Variants in FBXL17 observed in about 807,000 individuals in gnomAD.
FBXL17 encodes F-box/LRR-repeat protein 17.
FBXL17 carries 22 observed loss-of-function variants against 66.2 expected under a neutral mutation model. The ratio of observed to expected loss-of-function variants is 0.33; its 90% CI spans 0.24 to 0.47. The LOEUF is 0.47. FBXL17 is among the 20% of genes least tolerant of loss of function. The pLI is 1.00. For synonymous variants in FBXL17, 474 were observed against 400.5 expected (o/e 1.18, Z -2.19); for missense variants, 878 against 948.2 (o/e 0.93, Z 0.97).
intron 7 of FBXL17, among the ~76,000 whole-genome samples, chr5:107,963,030 G>GA (rs1751980021): frequency 6.6e-6 from 1 of 151,868 alleles, no homozygotes; most frequent in African/African-American, 2.4e-5. Flanking sequence ...CCCAGTGAAG[G>GA]AAAAAAACAC....
chr5:108,186,397 G>A (rs1753233678), intron 5 of FBXL17, 150 bp from the exon 6 acceptor site: 1 of 606,228 alleles, frequency 1.6e-6, no homozygotes, highest in Non-Finnish European at 2.8e-6. Context: ...TATTGTATAT[G>A]TAATATTTTA....
At position 107,859,752 on chromosome 5, in the gene FBXL17, A is replaced by C. The variant is rs370848670; in HGVS notation, c.*1968T>G. 3 of 152,082 alleles carry C rather than the reference A, an allele frequency of 2.0e-5. No homozygotes were observed. The highest frequency in any genetic ancestry group is 4.4e-5 in the Non-Finnish European group (3 of 68,004). The allele number at this position is 152,082 out of a possible 1,614,324, so 9.4% of individuals were successfully genotyped here. On this transcript the variant is annotated 3_prime_UTR_variant, in exon 9 of 9. Transcript: ENST00000542267. The stretch of plus-strand genomic sequence containing the variant: ...CTCCCTTCTTTTGTCTTTTTTAACT[A>C]TTTAAAATATAGTATGACATATATA...
intron 7 of FBXL17, among the ~76,000 whole-genome samples, chr5:107,969,351 T>C (rs1231642265): frequency 6.6e-6 from 1 of 152,106 alleles, no homozygotes; most frequent in African/African-American, 2.4e-5. Flanking sequence ...CTCTGAAAAA[T>C]GCAATGCATT....
chr5:108,092,206 T>C (rs1429816801), intron 6 of FBXL17, among the ~76,000 whole-genome samples: 1 of 152,152 alleles, frequency 6.6e-6, no homozygotes, highest in African/African-American at 2.4e-5. Context: ...ATCTGGACTT[T>C]TTCAAACGAC....
intron 6 of FBXL17, among the ~76,000 whole-genome samples, chr5:108,112,076 G>A (rs964817196): frequency 6.6e-6 from 1 of 152,220 alleles, no homozygotes; most frequent in African/African-American, 2.4e-5. Context: ...CTTGGCTTAG[G>A]AGACAGAGTT....
chr5:108,298,702 A>T (rs1174360349), intron 4 of FBXL17: 1 of 772,296 alleles, frequency 1.3e-6, no homozygotes, highest in Non-Finnish European at 1.6e-6. Flanking sequence ...ATTAAATAAA[A>T]GTATCAAAGT....
chr5:107,941,784 T>A (rs1299544541), intron 7 of FBXL17, among the ~76,000 whole-genome samples: 4 of 152,164 alleles, frequency 2.6e-5, no homozygotes, highest in African/African-American at 9.7e-5. Flanking sequence ...AATAATTCAA[T>A]TCGAACCTAA....
intron 4 of FBXL17, among the ~76,000 whole-genome samples, chr5:108,226,596 G>A (rs981041515): frequency 3.3e-5 from 5 of 152,024 alleles, no homozygotes; most frequent in African/African-American, 7.2e-5. Context: ...TATGCCATGG[G>A]GTGCCCAAAT....
chr5:107,943,703 C>T (rs184460828), intron 7 of FBXL17, among the ~76,000 whole-genome samples: 2 of 152,218 alleles, frequency 1.3e-5, no homozygotes, highest in Admixed American at 6.5e-5. Flanking sequence ...AAAGCATCTG[C>T]CCACTCCTTT....
At chr5:108,287,361 T>C (rs1757939890) in intron 4 of FBXL17, among the ~76,000 whole-genome samples, 1 of 152,044 alleles carries the variant, frequency 6.6e-6, no homozygotes, top group African/African-American at 2.4e-5. Context: ...ATTTGCAAAC[T>C]ATGCATCTGA....
intron 7 of FBXL17, among the ~76,000 whole-genome samples, chr5:107,990,798 G>C (rs937632034): frequency 6.6e-6 from 1 of 152,090 alleles, no homozygotes; most frequent in Non-Finnish European, 1.5e-5. Context: ...CTGTCCCCAG[G>C]GAACCTATCT....
At chr5:108,072,695 G>A (rs1327722492) in intron 6 of FBXL17, among the ~76,000 whole-genome samples, 2 of 134,206 alleles carry the variant, frequency 1.5e-5, no homozygotes, top group African/African-American at 2.6e-5. Flanking sequence ...GAGACAGAGT[G>A]AGACTCTGTC....
At chr5:108,269,791 T>G (rs533443380) in intron 4 of FBXL17, among the ~76,000 whole-genome samples, 3 of 152,162 alleles carry the variant, frequency 2.0e-5, no homozygotes, top group Admixed American at 6.5e-5. Context: ...AAAAAGCTAT[T>G]CAATAATAAA....
At chr5:107,870,004 C>A (rs1348867515) in intron 8 of FBXL17, among the ~76,000 whole-genome samples, 1 of 152,194 alleles carries the variant, frequency 6.6e-6, no homozygotes, top group African/African-American at 2.4e-5. Flanking sequence ...GTCAACCCAA[C>A]TGCTCATTAG....
intron 7 of FBXL17, among the ~76,000 whole-genome samples, chr5:107,942,315 G>A (rs1751133215): frequency 6.6e-6 from 1 of 152,154 alleles, no homozygotes; most frequent in Non-Finnish European, 1.5e-5. Flanking sequence ...GACATTTCAA[G>A]GCTTCCCAAT....
At chr5:108,250,738 C>T (rs1756312984) in intron 4 of FBXL17, among the ~76,000 whole-genome samples, 2 of 152,050 alleles carry the variant, frequency 1.3e-5, no homozygotes, top group African/African-American at 4.8e-5. Context: ...AAGGCAAACA[C>T]TGTTATGTTT....
intron 4 of FBXL17, among the ~76,000 whole-genome samples, chr5:108,260,034 C>CA (rs72240923): frequency 0.024 from 3,445 of 140,732 alleles, 127 homozygotes; most frequent in African/African-American, 0.082. Flanking sequence ...AAAAAAAAAA[C>CA]AAAAAAAAAA....
chr5:107,894,739 C>G (rs961094373), intron 7 of FBXL17, among the ~76,000 whole-genome samples: 1 of 152,078 alleles, frequency 6.6e-6, no homozygotes, highest in Non-Finnish European at 1.5e-5. Context: ...TATATAATTA[C>G]ACATGCTTTT....
At chr5:108,159,180 G>T (rs1250831765) in intron 6 of FBXL17, among the ~76,000 whole-genome samples, 1 of 152,148 alleles carries the variant, frequency 6.6e-6, no homozygotes, top group African/African-American at 2.4e-5. Flanking sequence ...ATATCAAGAT[G>T]TAGGTATTTT....
Sources: gnomAD v4.1 joint callset for allele counts (sites outside exome capture counted in the v4.1 genomes callset) on GRCh38, gnomAD v4.1.1 for gene constraint, MANE v1.5 for transcripts, NCBI Gene and HGNC (gene_info 2026-07-23, HGNC 2026-07-21) for gene names.